Variants in ATF7IP2 observed in about 807,000 individuals in gnomAD.
The protein encoded by ATF7IP2 is activating transcription factor 7 interacting protein 2.
In ATF7IP2, 42 loss-of-function variants were observed where a neutral mutation model predicts 64.2. That is an observed-to-expected ratio of 0.65 (90% confidence interval 0.51 to 0.85). ATF7IP2 has a LOEUF of 0.85. Among genes scored for constraint, ATF7IP2 ranks in the 40% least tolerant of loss-of-function variants. The pLI, the probability that ATF7IP2 is intolerant of heterozygous loss-of-function variation, is 0.00. For synonymous variants in ATF7IP2, 308 were observed against 272.8 expected (o/e 1.13, Z -1.27); for missense variants, 933 against 784.2 (o/e 1.19, Z -2.27).
Position 10,482,794 on chromosome 16 carries a change from T to A in ATF7IP2, c.*545T>A, listed in dbSNP as rs1300919299. 3 of 152,282 alleles carry A rather than the reference T, an allele frequency of 2.0e-5. No individual in the cohort carries two copies. The highest frequency in any genetic ancestry group is 1.5e-5 in the Non-Finnish European group (1 of 68,104). 9.4% of individuals were successfully genotyped at this position (152,282 alleles called of 1,614,324 possible). A position where few individuals can be genotyped will look rare whatever the true frequency, so the allele number is the denominator to read the frequency against. ...GCCCAGGCTGGAGTACAGTGGTCACTGCAACCTCCATCTCCCTGGTTCAAG... is the reference window on the plus strand; with the variant it reads ...GCCCAGGCTGGAGTACAGTGGTCACAGCAACCTCCATCTCCCTGGTTCAAG... On this transcript the variant is annotated 3_prime_UTR_variant, in exon 14 of 14. Transcript: ENST00000562102.
chr16:10,423,391 T>C (rs1340064163), intron 3 of ATF7IP2, among the ~76,000 whole-genome samples: 1 of 152,244 alleles, frequency 6.6e-6, no homozygotes, highest in Non-Finnish European at 1.5e-5. Context: ...GTTTACATTC[T>C]TTAAGTATTT....
At chr16:10,466,991 CTGAA>C (rs2049598128) in intron 9 of ATF7IP2, among the ~76,000 whole-genome samples, 1 of 151,110 alleles carries the variant, frequency 6.6e-6, no homozygotes. Flanking sequence ...TTGATAGTTT[CTGAA>C]AAATTGTTGA....
At chr16:10,481,100 T>G in intron 13 of ATF7IP2, 136 bp downstream of exon 13, 1 of 631,218 alleles carries the variant, frequency 1.6e-6, no homozygotes, top group South Asian at 2.0e-5. Context: ...ATCTACTTAT[T>G]TATACAATTA....
intron 8 of ATF7IP2, among the ~76,000 whole-genome samples, chr16:10,443,714 A>C (rs1309068673): frequency 6.6e-6 from 1 of 152,050 alleles, no homozygotes; most frequent in Admixed American, 6.6e-5. Flanking sequence ...GGAGGTGGAG[A>C]ATGGTGGACA....
At chr16:10,420,605 G>A (rs1596471853) in intron 3 of ATF7IP2, among the ~76,000 whole-genome samples, 1 of 152,360 alleles carries the variant, frequency 6.6e-6, no homozygotes, top group East Asian at 1.9e-4. Flanking sequence ...GCAGTCCAAG[G>A]TCCTGGAAGA....
At chr16:10,426,367 T>A (rs563963069) in intron 3 of ATF7IP2, among the ~76,000 whole-genome samples, 3 of 152,338 alleles carry the variant, frequency 2.0e-5, no homozygotes, top group South Asian at 4.1e-4. Flanking sequence ...GCAAACTATA[T>A]AGTTAGAAAT....
At chr16:10,410,098 A>G (rs1157408312) in intron 1 of ATF7IP2, among the ~76,000 whole-genome samples, 1 of 151,890 alleles carries the variant, frequency 6.6e-6, no homozygotes, top group African/African-American at 2.4e-5. Context: ...TCTTTTTTCT[A>G]GTTTTGTGAA....
At chr16:10,399,998 T>C (rs1315024442) in intron 1 of ATF7IP2, among the ~76,000 whole-genome samples, 2 of 152,168 alleles carry the variant, frequency 1.3e-5, no homozygotes, top group Non-Finnish European at 2.9e-5. Flanking sequence ...TTGATTGTTA[T>C]TGGTGTATAG....
At chr16:10,466,070 T>C (rs2049558774) in intron 9 of ATF7IP2, among the ~76,000 whole-genome samples, 1 of 152,166 alleles carries the variant, frequency 6.6e-6, no homozygotes, top group African/African-American at 2.4e-5. Flanking sequence ...CACCATAAAT[T>C]GTTTTTGCTT....
chr16:10,390,999 T>C (rs2047310294), intron 1 of ATF7IP2, among the ~76,000 whole-genome samples: 1 of 150,132 alleles, frequency 6.7e-6, no homozygotes, highest in Non-Finnish European at 1.5e-5. Context: ...CCCATCGCTA[T>C]GAAAAACAAT....
At chr16:10,417,582 A>G (rs2066178650) in intron 2 of ATF7IP2, among the ~76,000 whole-genome samples, 1 of 152,314 alleles carries the variant, frequency 6.6e-6, no homozygotes, top group South Asian at 2.1e-4. Flanking sequence ...GATTCATTAA[A>G]TATTACTATA....
At position 10,473,466 on chromosome 16, in the gene ATF7IP2, TA is replaced by T; in HGVS notation, c.1427-11del. Reference sequence around the variant, plus strand: ...TTGTGTAATAAATTTGTCAAATGTCTAATTTCTTTCAGATACCAGAAAAATT... The same window carrying T: ...TTGTGTAATAAATTTGTCAAATGTCTATTTCTTTCAGATACCAGAAAAATT... On this transcript the variant is annotated splice_polypyrimidine_tract_variant and intron_variant, in intron 10 of 13. Coordinates refer to ENST00000562102, the MANE Select transcript of ATF7IP2 (RefSeq NM_001393719.1). 1 of 1,520,388 alleles carries T rather than the reference TA, an allele frequency of 6.6e-7. No homozygotes were observed. The highest frequency in any genetic ancestry group is 2.3e-5 in the East Asian group (1 of 43,976). The allele number at this position is 1,520,388 out of a possible 1,614,324, so 94.2% of individuals were successfully genotyped here.
At chr16:10,465,687 C>A (rs528326461) in intron 9 of ATF7IP2, among the ~76,000 whole-genome samples, 4 of 148,650 alleles carry the variant, frequency 2.7e-5, no homozygotes, top group African/African-American at 7.5e-5. Flanking sequence ...TGGCGTCATC[C>A]GAGATTGCAC....
intron 1 of ATF7IP2, among the ~76,000 whole-genome samples, chr16:10,388,598 G>C (rs190110352): frequency 4.9e-4 from 74 of 152,274 alleles, no homozygotes; most frequent in Non-Finnish European, 8.4e-4. Context: ...AGGCTTTTCA[G>C]TACTTGTTAT....
At chr16:10,437,976 TATAA>T in intron 6 of ATF7IP2, 121 bp from the exon 7 acceptor site, 1 of 663,170 alleles carries the variant, frequency 1.5e-6, no homozygotes, top group Non-Finnish European at 2.2e-6. Flanking sequence ...AACATACAAA[TATAA>T]ATAAACTATA....
At chr16:10,416,558 C>T (rs900725120) in intron 2 of ATF7IP2, among the ~76,000 whole-genome samples, 5 of 152,074 alleles carry the variant, frequency 3.3e-5, no homozygotes, top group South Asian at 2.1e-4. Context: ...TTTGGGAGGC[C>T]GAGGCAGGTG....
chr16:10,443,970 C>T (rs570992326), intron 8 of ATF7IP2, among the ~76,000 whole-genome samples: 1 of 152,096 alleles, frequency 6.6e-6, no homozygotes, highest in Non-Finnish European at 1.5e-5. Flanking sequence ...CCAATAAACA[C>T]GTTCCCAAGA....
At chr16:10,391,850 C>T (rs899975024) in intron 1 of ATF7IP2, among the ~76,000 whole-genome samples, 11 of 150,630 alleles carry the variant, frequency 7.3e-5, no homozygotes, top group Middle Eastern at 3.4e-3. Context: ...GAGCTGAGAT[C>T]GTGCCACTGC....
At chr16:10,428,470 T>C (rs1567447483) in intron 3 of ATF7IP2, among the ~76,000 whole-genome samples, 1 of 152,234 alleles carries the variant, frequency 6.6e-6, no homozygotes, top group Non-Finnish European at 1.5e-5. Flanking sequence ...TTAAGACCCC[T>C]GTCTCTCTTC....
Sources: gnomAD v4.1 joint callset for allele counts (sites outside exome capture counted in the v4.1 genomes callset) on GRCh38, gnomAD v4.1.1 for gene constraint, MANE v1.5 for transcripts, NCBI Gene and HGNC (gene_info 2026-07-23, HGNC 2026-07-21) for gene names.